Variants in ALDH3A1 observed in about 807,000 individuals in gnomAD.
The protein encoded by ALDH3A1 is aldehyde dehydrogenase, dimeric NADP-preferring.
In ALDH3A1, 46 loss-of-function variants were observed where a neutral mutation model predicts 49.9. That is an observed-to-expected ratio of 0.92 (90% CI 0.73 to 1.18). The LOEUF (loss-of-function observed/expected upper bound fraction) is 1.18. Among genes scored for constraint, ALDH3A1 ranks in the 50% most tolerant of loss-of-function variants. The pLI is 0.00. For synonymous variants in ALDH3A1, 269 were observed against 253.3 expected (o/e 1.06, Z -0.59); for missense variants, 592 against 611.8 (o/e 0.97, Z 0.34).
chr17:19,740,188 G>C (rs936434710), intron 7 of ALDH3A1, 148 bp downstream of exon 7: 1 of 1,002,092 alleles, frequency 1.0e-6, no homozygotes, highest in African/African-American at 1.6e-5. Context: ...CTGCCTGCTG[G>C]AGTCTACCGC....
chr17:19,744,382 G>A (rs1232362703), intron 2 of ALDH3A1: 2 of 969,590 alleles, frequency 2.1e-6, no homozygotes, highest in African/African-American at 3.5e-5. Flanking sequence ...CAGCCTGGGC[G>A]ACAGAGCGAG....
chr17:19,744,539 T>A, intron 2 of ALDH3A1: 5 of 985,396 alleles, frequency 5.1e-6, no homozygotes, highest in Non-Finnish European at 6.0e-6. Flanking sequence ...AGGTGTCTGG[T>A]CTTGCTCAGG....
At position 19,742,601 on chromosome 17, in the gene ALDH3A1, G is replaced by T. The variant is rs373306549; in HGVS notation, c.424C>A (p.Leu142Met). Reference sequence around the variant, plus strand: ...AGCAGGCTCGCCATGTTCTCACTCAGCTCCGAGGGCTTGAGGACCACTGAG... The same window carrying T: ...AGCAGGCTCGCCATGTTCTCACTCATCTCCGAGGGCTTGAGGACCACTGAG... ...GNSVVLKPSE[L>M]SENMASLLAT... Residue 142 changes from leucine (L) to methionine (M), a missense_variant, in exon 4 of 11, where the codon CTG becomes ATG. Physicochemically the swap from Leu to Met is conservative, Grantham distance 15 (BLOSUM62 2). Coordinates refer to ENST00000225740, the MANE Select transcript of ALDH3A1 (RefSeq NM_000691.5). 6.2e-7 allele frequency: 1 copy of T among 1,614,036 alleles called. No individual in the cohort carries two copies. The highest frequency in any genetic ancestry group is 8.5e-7 in the Non-Finnish European group (1 of 1,180,012).
chr17:19,745,492 T>C (rs1481028535), intron 1 of ALDH3A1: 2 of 214,414 alleles, frequency 9.3e-6, no homozygotes, highest in Non-Finnish European at 1.8e-5. Context: ...CCCAGAGCTC[T>C]GCACACGCAG....
chr17:19,746,052 C>T (rs2086591135), intron 1 of ALDH3A1, among the ~76,000 whole-genome samples: 2 of 152,186 alleles, frequency 1.3e-5, no homozygotes, highest in South Asian at 4.1e-4. Context: ...GGGGCTCTCT[C>T]TGCACCAGGG....
chr17:19,742,809 C>T (rs1026076523), intron 3 of ALDH3A1, 179 bp from the exon 4 acceptor site: 7 of 1,534,478 alleles, frequency 4.6e-6, no homozygotes, highest in Non-Finnish European at 6.1e-6. Context: ...GGGCACATGA[C>T]AGAGGGACAC....
At chr17:19,741,428 C>T (rs112113341) in intron 5 of ALDH3A1, 34 of 503,396 alleles carry the variant, frequency 6.8e-5, no homozygotes, top group African/African-American at 5.8e-4. Context: ...TTCTAGAGGA[C>T]GTCTGTTGAG....
At chr17:19,739,124 G>A (rs1445746522) in intron 8 of ALDH3A1, 29 bp from the exon 9 acceptor site, 1 of 1,598,266 alleles carries the variant, frequency 6.3e-7, no homozygotes, top group East Asian at 2.3e-5. Context: ...ACTGGCCTCA[G>A]TCTCCTGCCC....
intron 2 of ALDH3A1, 68 bp downstream of exon 2, chr17:19,744,900 A>ACCCCCCCCCCCCCCCC: frequency 1.1e-5 from 3 of 270,616 alleles, no homozygotes; most frequent in Non-Finnish European, 1.6e-5. Flanking sequence ...CACTCTCCCC[A>ACCCCCCCCCCCCCCCC]GCCCCTCCCC....
Position 19,740,342 on chromosome 17 carries a change from A to C in ALDH3A1, c.943T>G (p.Tyr315Asp), listed in dbSNP as rs2152373789. 1 of 1,613,932 alleles carries C rather than the reference A, an allele frequency of 6.2e-7. No individual in the cohort carries two copies. The highest frequency in any genetic ancestry group is 1.1e-5 in the South Asian group (1 of 91,088). The change falls in exon 7 of 11, where the codon TAC (tyrosine) becomes GAC (aspartate). Residue 315 changes from tyrosine (Y) to aspartate (D), a missense_variant. Coordinates refer to ENST00000225740, the MANE Select transcript of ALDH3A1 (RefSeq NM_000691.5). ...YGGTGDAATR[Y>D]IAPTILTDVD... ...CTCTTCAGGGGTCACGCACCTATGT[A>C]GCGAGTGGCGGCATCCCCGGTGCCC...
chr17:19,742,333 C>T (rs554512806), intron 4 of ALDH3A1, 121 bp from the exon 5 acceptor site: 8 of 1,194,900 alleles, frequency 6.7e-6, no homozygotes, highest in South Asian at 4.3e-5. Context: ...CCACCTTGGG[C>T]GGGGGGTAGC....
At chr17:19,739,765 T>C in intron 7 of ALDH3A1, 91 bp from the exon 8 acceptor site, 1 of 1,468,226 alleles carries the variant, frequency 6.8e-7, no homozygotes, top group African/African-American at 1.4e-5. Context: ...CCAACCCTTT[T>C]CCAGGCAAAC....
chr17:19,738,796 A>G (rs1008782355), intron 9 of ALDH3A1, among the ~76,000 whole-genome samples, 200 bp downstream of exon 9: 1 of 152,180 alleles, frequency 6.6e-6, no homozygotes, highest in Non-Finnish European at 1.5e-5. Context: ...AGGCCGGTGC[A>G]CCAGGTGACC....
In ALDH3A1 at chr17:19,744,910, C is replaced by CG. The variant is rs1054343079; in HGVS notation, c.162+57_162+58insC. The CG allele has an allele frequency of 1.4e-5, 15 of 1,067,480 alleles. 2 individuals are homozygous for CG. The highest frequency in any genetic ancestry group is 6.8e-4 in the Middle Eastern group (2 of 2,944). 66.1% of individuals were successfully genotyped at this position (1,067,480 alleles called of 1,614,324 possible). On this transcript the variant is annotated intron_variant, in intron 2 of 10. Coordinates refer to ENST00000225740, the MANE Select transcript of ALDH3A1 (RefSeq NM_000691.5). Reference sequence around the variant, plus strand: ...GGTCGCACTCTCCCCAGCCCCTCCCCCCACGCCCCATCGCATGGCCCCGAC... The same window carrying CG: ...GGTCGCACTCTCCCCAGCCCCTCCCCGCCACGCCCCATCGCATGGCCCCGAC...
intron 1 of ALDH3A1, among the ~76,000 whole-genome samples, chr17:19,747,505 G>A (rs1021707538): frequency 1.3e-5 from 2 of 152,208 alleles, no homozygotes; most frequent in Non-Finnish European, 2.9e-5. Context: ...CGTGGGACGG[G>A]ATTGGCCTTG....
Position 19,742,955 on chromosome 17 carries a change from C to A in ALDH3A1, c.394+277G>T, listed in dbSNP as rs1163051599. On this transcript the variant is annotated intron_variant, in intron 3 of 10. Transcript: ENST00000225740. Reference sequence around the variant, plus strand: ...GCGCTGGCCCATTCTAGGAAGGAAGCCCTGATGCATATTAGGTGACAGAAG... The same window carrying A: ...GCGCTGGCCCATTCTAGGAAGGAAGACCTGATGCATATTAGGTGACAGAAG... 1.2e-5 allele frequency: 19 copies of A among 1,525,644 alleles called. No individual in the cohort carries two copies. In the East Asian group the frequency reaches 3.8e-4, roughly 30 times the overall value. 94.5% of individuals were successfully genotyped at this position (1,525,644 alleles called of 1,614,324 possible).
chr17:19,738,916 TG>T, intron 9 of ALDH3A1, 79 bp downstream of exon 9: 1 of 1,284,920 alleles, frequency 7.8e-7, no homozygotes, highest in Non-Finnish European at 1.1e-6. Context: ...CTGCAGGAGG[TG>T]GTCCCTCCTG....
intron 1 of ALDH3A1, chr17:19,747,882 A>G (rs2086620070): frequency 6.3e-6 from 1 of 159,896 alleles, no homozygotes; most frequent in Non-Finnish European, 1.4e-5. Flanking sequence ...AGAAACGTTT[A>G]ATGCTGTATC....
Position 19,743,719 on chromosome 17 carries a change from C to A in ALDH3A1, c.163-256G>T, listed in dbSNP as rs533177553. 54 of 985,000 alleles carry A rather than the reference C, an allele frequency of 5.5e-5. No individual in the cohort carries two copies. The South Asian group carries it at 2.4e-3, about 45-fold the overall frequency. 61.0% of individuals were successfully genotyped at this position (985,000 alleles called of 1,614,324 possible). ...CCAGGGGAGAGAGCCGGTGAAGGGA[C>A]CAGGCATGGGCAACGGAATGGATCC... On this transcript the variant is annotated intron_variant, in intron 2 of 10. Coordinates refer to ENST00000225740, the MANE Select transcript of ALDH3A1 (RefSeq NM_000691.5). This position sits in a 1 kb window ranked among gnomAD's most constrained non-coding sequence, Gnocchi z 4.4.
Sources: gnomAD v4.1 joint callset for allele counts (sites outside exome capture counted in the v4.1 genomes callset) on GRCh38, gnomAD v4.1.1 for gene constraint, Gnocchi (gnomAD v3.1) non-coding constraint, MANE v1.5 for transcripts, NCBI Gene and HGNC (gene_info 2026-07-23, HGNC 2026-07-21) for gene names.